The following TSBP1 variants were observed in gnomAD, a reference collection of about 807,000 sequenced individuals.
The protein encoded by TSBP1 is testis expressed basic protein 1, also known as testis-expressed basic protein 1.
TSBP1 carries 56 observed loss-of-function variants against 68.8 expected under a neutral mutation model. That is an observed-to-expected ratio of 0.81 (90% confidence interval 0.66 to 1.02). The LOEUF (loss-of-function observed/expected upper bound fraction) is 1.02, where lower values mean the gene tolerates loss of function less well. Among genes scored for constraint, TSBP1 ranks in the 50% least tolerant of loss-of-function variants. The pLI, the probability that TSBP1 is intolerant of heterozygous loss-of-function variation, is 0.00. For missense variants in TSBP1, 502 were observed against 641.2 expected, an observed-to-expected ratio of 0.78 and a Z score of 2.34; for synonymous variants, 171 against 208.7, an observed-to-expected ratio of 0.82 and a Z score of 1.56.
At chr6:32,301,203 A>G (rs533876) in intron 20 of TSBP1, among the ~76,000 whole-genome samples, 50,841 of 151,582 alleles carry the variant, frequency 0.34, 9,629 homozygotes, top group Middle Eastern at 0.52. Context: ...TAATTTTTGT[A>G]TTTTTTTGTA....
At chr6:32,363,109 A>C (rs1344445346) in intron 6 of TSBP1, among the ~76,000 whole-genome samples, 2 of 152,124 alleles carry the variant, frequency 1.3e-5, no homozygotes, top group Non-Finnish European at 2.9e-5. Context: ...GCCCTTTATA[A>C]TTATATAGTG....
intron 18 of TSBP1, among the ~76,000 whole-genome samples, chr6:32,322,235 T>C (rs1312153247): frequency 1.3e-5 from 2 of 152,228 alleles, no homozygotes; most frequent in African/African-American, 4.8e-5. Context: ...AATATCATCA[T>C]TGTTAGTGCT....
At chr6:32,345,672 C>T (rs1467061026) in intron 9 of TSBP1, among the ~76,000 whole-genome samples, 6 of 152,172 alleles carry the variant, frequency 3.9e-5, no homozygotes, top group Admixed American at 6.5e-5. Context: ...TTTCAGATTG[C>T]AGTCCTTATC....
Position 32,325,883 on chromosome 6 carries a change from G to T in TSBP1, c.515-2269C>A. Reference sequence around the variant, plus strand: ...AACTTTGATCATGGAGGAAACTTCAGTGGTTGTGGTGGCTTTGGTGGCAGC... The same window carrying T: ...AACTTTGATCATGGAGGAAACTTCATTGGTTGTGGTGGCTTTGGTGGCAGC... On this transcript the variant is annotated intron_variant, in intron 16 of 22. Coordinates refer to ENST00000612031, the Ensembl canonical transcript of TSBP1. This position sits in a 1 kb window ranked among gnomAD's most constrained non-coding sequence, Gnocchi z 4.4. 6.7e-7 allele frequency: 1 copy of T among 1,492,304 alleles called. No homozygotes were observed. Among genetic ancestry groups the T allele is most frequent in the Non-Finnish European group, 9.2e-7 (1 of 1,084,020 alleles). 92.4% of individuals were successfully genotyped at this position (1,492,304 alleles called of 1,614,324 possible).
In TSBP1 at chr6:32,338,825, A is replaced by G. The variant is rs375562651; in HGVS notation, c.409+154T>C. On this transcript the variant is annotated intron_variant, in intron 11 of 22. Transcript: ENST00000612031. This position sits in a 1 kb window ranked among gnomAD's most constrained non-coding sequence, Gnocchi z 5.5. Reference sequence around the variant, plus strand: ...TAGTACTTTCTTACAGAGGCACCCCAGTTTATTAAGATAAGAATAGGGAAT... The same window carrying G: ...TAGTACTTTCTTACAGAGGCACCCCGGTTTATTAAGATAAGAATAGGGAAT... 2.0e-5 allele frequency among the ~76,000 whole-genome samples: 3 copies of G among 152,354 alleles called. No individual in the cohort carries two copies. Among genetic ancestry groups the G allele is most frequent in the South Asian group, 4.1e-4 (2 of 4,828 alleles).
Position 32,304,036 on chromosome 6 carries a change from T to C in TSBP1, c.581-1407A>G, listed in dbSNP as rs1562065593. 6.6e-6 allele frequency among the ~76,000 whole-genome samples: 1 copy of C among 152,216 alleles called. No homozygotes were observed. The highest frequency in any genetic ancestry group is 1.5e-5 in the Non-Finnish European group (1 of 68,028). The stretch of plus-strand genomic sequence containing the variant: ...TCCCAGCATTATTTCCTCTGGCTTC[T>C]CTTTTGCAACTTAACTCTCTAACCA... On this transcript the variant is annotated intron_variant, in intron 19 of 22. Coordinates refer to ENST00000612031, the Ensembl canonical transcript of TSBP1. The surrounding 1 kb of genome is among the most constrained non-coding windows in gnomAD (Gnocchi z 4.8).
chr6:32,358,910 TTTATTATTATTA>T (rs9281749), intron 6 of TSBP1, among the ~76,000 whole-genome samples: 6 of 148,106 alleles, frequency 4.1e-5, no homozygotes, highest in Non-Finnish European at 7.4e-5. Flanking sequence ...CATGATTTGT[TTTATTATTATTA>T]TTATTATTAT....
chr6:32,370,490 C>G, intron 1 of TSBP1, among the ~76,000 whole-genome samples: 1 of 148,288 alleles, frequency 6.7e-6, no homozygotes, highest in Non-Finnish European at 1.5e-5. Context: ...GCAATGCATA[C>G]TCAAAACATT....
chr6:32,300,780 G>C, intron 20 of TSBP1, 80 bp from the exon 24 acceptor site: 1 of 1,136,976 alleles, frequency 8.8e-7, no homozygotes, highest in East Asian at 2.3e-5. Flanking sequence ...GCATTGAGTG[G>C]GATCTGTGTC....
At chr6:32,353,707 G>C (rs1190334936) in intron 8 of TSBP1, among the ~76,000 whole-genome samples, 1 of 151,920 alleles carries the variant, frequency 6.6e-6, no homozygotes, top group Non-Finnish European at 1.5e-5. Context: ...AAAGACAAAA[G>C]ATCACTGGAA....
chr6:32,324,307 C>T (rs525607), intron 16 of TSBP1: 135,425 of 354,080 alleles, frequency 0.38, 28,430 homozygotes, highest in Middle Eastern at 0.53. Flanking sequence ...AAAAGGGTTA[C>T]AGAAACTTCT....
In TSBP1 at chr6:32,316,409, G is replaced by C. The variant is rs1431640124; in HGVS notation, c.560-617C>G. 2 of 1,558,896 alleles carry C rather than the reference G, an allele frequency of 1.3e-6. No homozygotes were observed. Among genetic ancestry groups the C allele is most frequent in the East Asian group, 4.8e-5 (2 of 42,044 alleles). On this transcript the variant is annotated intron_variant, in intron 18 of 22. Coordinates refer to ENST00000612031, the Ensembl canonical transcript of TSBP1. The surrounding 1 kb of genome is among the most constrained non-coding windows in gnomAD (Gnocchi z 4.5). The stretch of plus-strand genomic sequence containing the variant: ...TAATACTTACTTATAGGTGCTGCCA[G>C]CTGACCTAAAAAAATTAGATATCAG...
Position 32,302,436 on chromosome 6 carries a change from A to G in TSBP1, c.601+173T>C, listed in dbSNP as rs1765402809. 1.3e-5 allele frequency among the ~76,000 whole-genome samples: 2 copies of G among 152,212 alleles called. No individual in the cohort carries two copies. Among genetic ancestry groups the G allele is most frequent in the Admixed American group, 1.3e-4 (2 of 15,284 alleles). On this transcript the variant is annotated intron_variant, in intron 20 of 22. Coordinates refer to ENST00000612031, the Ensembl canonical transcript of TSBP1. This position sits in a 1 kb window ranked among gnomAD's most constrained non-coding sequence, Gnocchi z 5.1. ...ACCACTGCACTCCAGGCTAGGTGAC[A>G]GAGCAAGACCCTGTCTCAGAACAAA...
rs1461027800 is a variant in TSBP1 at position 32,322,475 on chromosome 6, A to T, written c.559+642T>A. ...CCCCACATATGACCAGCTGAGAAGTAGAGTACTTACTTGCGGTTCTCTGTG... is the reference window on the plus strand; with the variant it reads ...CCCCACATATGACCAGCTGAGAAGTTGAGTACTTACTTGCGGTTCTCTGTG... On this transcript the variant is annotated intron_variant, in intron 18 of 22. Transcript: ENST00000612031. 1.3e-6 allele frequency: 2 copies of T among 1,597,446 alleles called. No individual in the cohort carries two copies. The highest frequency in any genetic ancestry group is 1.7e-6 in the Non-Finnish European group (2 of 1,165,424).
At chr6:32,294,517 C>T (rs1450018219) in intron 22 of TSBP1, among the ~76,000 whole-genome samples, 1 of 152,166 alleles carries the variant, frequency 6.6e-6, no homozygotes, top group Non-Finnish European at 1.5e-5. Flanking sequence ...TTACCACATA[C>T]CAAGTACTCA....
At chr6:32,341,719 G>T (rs1422170898) in intron 9 of TSBP1, among the ~76,000 whole-genome samples, 2 of 152,078 alleles carry the variant, frequency 1.3e-5, no homozygotes, top group Non-Finnish European at 2.9e-5. Context: ...GATAGGTATT[G>T]GTTGGATCAC....
At chr6:32,293,169 C>T (rs759418877) in exon 23 of TSBP1, 6 of 1,607,062 alleles carry the variant, frequency 3.7e-6, no homozygotes, top group Non-Finnish European at 5.1e-6. Flanking sequence ...CTCTCCTTTT[C>T]TTTATCATTA....
chr6:32,346,411 T>C (rs959121147), intron 9 of TSBP1, among the ~76,000 whole-genome samples: 1 of 152,260 alleles, frequency 6.6e-6, no homozygotes, highest in East Asian at 1.9e-4. Context: ...TAATCGGACG[T>C]TCCTTCCACC....
chr6:32,368,672 C>T, intron 3 of TSBP1, 110 bp downstream of exon 3: 1 of 1,133,604 alleles, frequency 8.8e-7, no homozygotes, highest in Non-Finnish European at 1.3e-6. Context: ...TGCAATGGTG[C>T]ACTATGCAAG....
Sources: gnomAD v4.1 joint callset for allele counts (sites outside exome capture counted in the v4.1 genomes callset) on GRCh38, gnomAD v4.1.1 for gene constraint, Gnocchi (gnomAD v3.1) non-coding constraint, MANE v1.5 for transcripts, NCBI Gene and HGNC (gene_info 2026-07-23, HGNC 2026-07-21) for gene names.